PFAS: variants seen among roughly 807,000 people sequenced by gnomAD.
PFAS encodes the protein phosphoribosylformylglycinamidine synthase.
A neutral mutation model predicts 140.6 loss-of-function variants in PFAS; 97 were observed. That is an observed-to-expected ratio of 0.69 (90% CI 0.59 to 0.82). The LOEUF (loss-of-function observed/expected upper bound fraction) is 0.82, where lower values mean the gene tolerates loss of function less well. Ranked by LOEUF, PFAS falls within the 40% of genes least tolerant of loss-of-function variation. PFAS has a pLI of 0.00. For synonymous variants in PFAS, 679 were observed against 718.8 expected (o/e 0.94, Z 0.88); for missense variants, 1,656 against 1,780.2 (o/e 0.93, Z 1.26).
At position 8,268,964 on chromosome 17, in the gene PFAS, A is replaced by AGGCGC; in HGVS notation, c.3717_3718insGGCGC (p.Phe1240GlyfsTer35). 6.2e-7 allele frequency: 1 copy of AGGCGC among 1,614,118 alleles called. No individual in the cohort carries two copies. Among genetic ancestry groups the AGGCGC allele is most frequent in the Non-Finnish European group, 8.5e-7 (1 of 1,180,018 alleles). Reference sequence around the variant, plus strand: ...CTCCTTCCATCCCAGGTTACGTAGCATTTTCTTCTCCGGAACTCCAAGCTC... The same window carrying AGGCGC: ...CTCCTTCCATCCCAGGTTACGTAGCAGGCGCTTTTCTTCTCCGGAACTCCAAGCTC... On this transcript the variant is annotated frameshift_variant, in exon 28 of 28. Transcript: ENST00000314666. LOFTEE classifies it high-confidence loss of function.
rs1989814978 is a variant in PFAS, at chr17:8,266,381, C to A, written c.2821+28C>A. 1.2e-6 allele frequency: 2 copies of A among 1,613,548 alleles called. No individual in the cohort carries two copies. The highest frequency in any genetic ancestry group is 1.7e-6 in the Non-Finnish European group (2 of 1,179,730). On this transcript the variant is annotated intron_variant, in intron 22 of 27. Transcript: ENST00000314666. This position sits in a 1 kb window ranked among gnomAD's most constrained non-coding sequence, Gnocchi z 5.0. ...AAGGAACCTGGGGTCTAGTCTCAGG[C>A]CCGGGCTGCCTTCTCTACCCTGCAG...
intron 3 of PFAS, 60 bp from the exon 4 acceptor site, chr17:8,254,967 C>G: frequency 1.7e-6 from 2 of 1,187,312 alleles, no homozygotes; most frequent in Non-Finnish European, 2.5e-6. Flanking sequence ...GCAGGATCCA[C>G]CCTCCCAGCT....
At chr17:8,257,626 AAAG>A (rs1034003437) in intron 9 of PFAS, among the ~76,000 whole-genome samples, 178 bp from the exon 10 acceptor site, 3 of 151,930 alleles carry the variant, frequency 2.0e-5, no homozygotes, top group Admixed American at 6.6e-5. Flanking sequence ...TGGGTGGTGG[AAAG>A]AAGACCAGTG....
At chr17:8,248,187 T>C, upstream of PFAS, 1 of 646,656 alleles carries the variant, frequency 1.5e-6, no homozygotes, top group Non-Finnish European at 2.8e-6. Context: ...TCCTAGAGAC[T>C]CCGCGAGGCG....
Position 8,266,222 on chromosome 17 carries a change from T to G in PFAS, c.2702-12T>G, listed in dbSNP as rs779160227. On this transcript the variant is annotated splice_polypyrimidine_tract_variant and intron_variant, in intron 21 of 27. Coordinates refer to ENST00000314666, the MANE Select transcript of PFAS (RefSeq NM_012393.3). This position sits in a 1 kb window ranked among gnomAD's most constrained non-coding sequence, Gnocchi z 5.0. ...GTCCCGAGGTTGCTGAGCTTTCTTC[T>G]CCTTCCTCCAGACCGCCTCCTCTGC... The G allele has an allele frequency of 3.1e-6, 5 of 1,613,514 alleles. No homozygotes were observed. In the South Asian group the frequency reaches 4.4e-5, roughly 14 times the overall value.
At chr17:8,257,992 G>T in intron 10 of PFAS, 54 bp downstream of exon 10, 1 of 1,611,850 alleles carries the variant, frequency 6.2e-7, no homozygotes, top group East Asian at 2.2e-5. Context: ...TGTGGGTGGG[G>T]TGTGCGACCC....
rs1179049487 is a variant in PFAS, at chr17:8,255,886, C to G, written c.656C>G (p.Ala219Gly). The change falls in exon 6 of 28, where the codon GCC becomes GGC. Residue 219 changes from alanine (A) to glycine (G), a missense_variant. Physicochemically the swap from Ala to Gly is moderately conservative, Grantham distance 60. Transcript: ENST00000314666. ...CAGCGGAACCCGAGCACTGTGGAGG[C>G]CTTTGACTTGGCGCAGTCCAATAGG... is the stretch of plus-strand genomic sequence containing the variant. ...ELQRNPSTVE[A>G]FDLAQSNSEH... 1.2e-6 allele frequency: 2 copies of G among 1,613,706 alleles called. No individual in the cohort carries two copies. Among genetic ancestry groups the G allele is most frequent in the Admixed American group, 1.7e-5 (1 of 60,004 alleles).
Position 8,267,592 on chromosome 17 carries a change from T to G in PFAS, c.3309T>G (p.Ile1103Met). Residue 1103 changes from isoleucine (I) to methionine (M), a missense_variant, in exon 26 of 28, where the codon ATT (isoleucine) becomes ATG (methionine). Ile to Met is a conservative substitution (Grantham distance 10, BLOSUM62 1). Around this residue, in one of 2 missense-constraint regions of PFAS, gnomAD observed 883 missense variants for 1,023.0 expected, o/e 0.86. Coordinates refer to ENST00000314666, the MANE Select transcript of PFAS (RefSeq NM_012393.3). This position sits in a 1 kb window ranked among gnomAD's most constrained non-coding sequence, Gnocchi z 4.9. Reference protein sequence around the residue: ...VTMQDLCSGAIGLDTFRGVAF... With the variant: ...VTMQDLCSGAMGLDTFRGVAF... ...TGCAGGACCTCTGCTCTGGGGCAAT[T>G]GGGCTGGACACTTTCCGTGGCGTGG... 1 of 1,613,656 alleles carries G rather than the reference T, an allele frequency of 6.2e-7. No homozygotes were observed. The highest frequency in any genetic ancestry group is 1.1e-5 in the South Asian group (1 of 91,066).
At position 8,267,260 on chromosome 17, in the gene PFAS, C is replaced by T. The variant is rs1212747554; in HGVS notation, c.3175+25C>T. ...GGTGAGGGAGTGTGTGCAGAGGCTC[C>T]GCGTCCTGGGGGCACTGAGCCTGGA... On this transcript the variant is annotated intron_variant, in intron 24 of 27. Transcript: ENST00000314666. This position sits in a 1 kb window ranked among gnomAD's most constrained non-coding sequence, Gnocchi z 4.9. The T allele has an allele frequency of 5.0e-6, 8 of 1,593,762 alleles. No homozygotes were observed. The highest frequency in any genetic ancestry group is 1.3e-5 in the African/African-American group (1 of 74,684).
At chr17:8,257,671 A>G (rs1367121262) in intron 9 of PFAS, 136 bp from the exon 10 acceptor site, 3 of 874,638 alleles carry the variant, frequency 3.4e-6, no homozygotes, top group Non-Finnish European at 5.7e-6. Context: ...TTCCTAAAGC[A>G]GGACTTCCTG....
upstream of PFAS, chr17:8,248,182 G>C (rs1038491741): frequency 1.5e-6 from 1 of 657,884 alleles, no homozygotes; most frequent in Non-Finnish European, 2.8e-6. Flanking sequence ...TCGCTTCCTA[G>C]AGACTCCGCG....
intron 11 of PFAS, among the ~76,000 whole-genome samples, chr17:8,261,295 G>A (rs181216917): frequency 2.1e-4 from 32 of 151,356 alleles, no homozygotes; most frequent in Non-Finnish European, 3.7e-4. Flanking sequence ...GGAGTGCAAT[G>A]GCGCAATCTC....
intron 1 of PFAS, 38 bp from the exon 2 acceptor site, chr17:8,253,821 G>A: frequency 7.0e-7 from 1 of 1,425,154 alleles, no homozygotes; most frequent in Non-Finnish European, 9.3e-7. Context: ...TTACAGATGT[G>A]AGCCACCACG....
intron 1 of PFAS, among the ~76,000 whole-genome samples, chr17:8,252,453 G>C (rs750535361): frequency 1.3e-5 from 2 of 151,700 alleles, no homozygotes; most frequent in Non-Finnish European, 2.9e-5. Flanking sequence ...GCCCAGGCTG[G>C]AGTGCAATGG....
chr17:8,269,293 T>C lies in PFAS; in HGVS notation c.*29T>C, dbSNP rs1287248980. 3 of 1,546,694 alleles carry C rather than the reference T, an allele frequency of 1.9e-6. No homozygotes were observed. The highest frequency in any genetic ancestry group is 2.6e-6 in the Non-Finnish European group (3 of 1,137,298). On this transcript the variant is annotated 3_prime_UTR_variant, in exon 28 of 28. Transcript: ENST00000314666. ...GCCACAGGGGCTCACCTGGGCCCCA[T>C]GGCTTTTCACCTAAGTGGGTCCTGC...
Position 8,264,982 on chromosome 17 carries a change from C to G in PFAS, c.2137C>G (p.Leu713Val), listed in dbSNP as rs759432280. 6.2e-6 allele frequency: 10 copies of G among 1,613,100 alleles called. No homozygotes were observed. The highest frequency in any genetic ancestry group is 7.6e-6 in the Non-Finnish European group (9 of 1,179,688). ...TPLADVAVVA[L>V]SHEELIGAAT... ...TCTGGCAGATGTAGCGGTTGTGGCACTGAGCCATGAGGAGCTCATAGGGGC... is the reference window on the plus strand; with the variant it reads ...TCTGGCAGATGTAGCGGTTGTGGCAGTGAGCCATGAGGAGCTCATAGGGGC... The change falls in exon 18 of 28, where the codon CTG (leucine) becomes GTG (valine). Residue 713 changes from leucine to valine, a missense_variant. Physicochemically the swap from Leu to Val is conservative, Grantham distance 32. Coordinates refer to ENST00000314666, the MANE Select transcript of PFAS (RefSeq NM_012393.3).
intron 18 of PFAS, 53 bp from the exon 19 acceptor site, chr17:8,265,235 T>A: frequency 6.3e-7 from 1 of 1,589,460 alleles, no homozygotes; most frequent in East Asian, 2.2e-5. Flanking sequence ...CCTGCACCCC[T>A]GGCCTCTCCA....
At position 8,265,952 on chromosome 17, in the gene PFAS, C is replaced by T. The variant is rs1226532561; in HGVS notation, c.2636C>T (p.Pro879Leu). The T allele has an allele frequency of 1.9e-6, 3 of 1,613,676 alleles. No homozygotes were observed. Among genetic ancestry groups the T allele is most frequent in the Non-Finnish European group, 2.5e-6 (3 of 1,179,808 alleles). ...TGCTTCTCCCAGCTTGGGGAACACC[C>T]TCCAGACCTGGACCTTCCTGAGAAC... Reference protein sequence around the residue: ...AQCFSQLGEHPPDLDLPENLV... With the variant: ...AQCFSQLGEHLPDLDLPENLV... The change falls in exon 21 of 28, where the codon CCT (proline) becomes CTT (leucine). Residue 879 changes from proline (P) to leucine (L), a missense_variant. Pro to Leu is a moderately conservative substitution (Grantham distance 98, BLOSUM62 -3). Coordinates refer to ENST00000314666, the MANE Select transcript of PFAS (RefSeq NM_012393.3).
rs764801863 is a variant in PFAS at position 8,266,013 on chromosome 17, G to A, written c.2697G>A (p.Leu899=). 2 of 1,605,348 alleles carry A rather than the reference G, an allele frequency of 1.2e-6. No individual in the cohort carries two copies. Among genetic ancestry groups the A allele is most frequent in the South Asian group, 2.2e-5 (2 of 89,748 alleles). Residue 899 remains leucine (L), a synonymous_variant, in exon 21 of 28, where the codon CTG becomes CTA. Transcript: ENST00000314666. This position sits in a 1 kb window ranked among gnomAD's most constrained non-coding sequence, Gnocchi z 5.0. Reference sequence around the variant, plus strand: ...CCTTCAGCATCACTCAGGGGCTGCTGAAAGGTGAGTGAAGACCCCTGGGGA... The same window carrying A: ...CCTTCAGCATCACTCAGGGGCTGCTAAAAGGTGAGTGAAGACCCCTGGGGA... ...VRAFSITQGL[L]KDRLLCSGHD... is the part of the protein sequence containing the mutation.
Sources: allele counts gnomAD v4.1 joint callset (sites outside exome capture counted in the v4.1 genomes callset), GRCh38; gene constraint gnomAD v4.1.1; regional missense constraint gnomAD v4.1.1; non-coding constraint Gnocchi (gnomAD v3.1); transcripts MANE v1.5; gene names NCBI Gene and HGNC (gene_info 2026-07-23, HGNC 2026-07-21).